C2orf72: variants seen among roughly 807,000 people sequenced by gnomAD.
C2orf72 encodes uncharacterized protein C2orf72.
Under a neutral mutation model 14.4 loss-of-function variants are expected in C2orf72, and 16 were observed. The ratio of observed to expected loss-of-function variants is 1.11; its 90% CI spans 0.75 to 1.69. The LOEUF (loss-of-function observed/expected upper bound fraction) is 1.69. C2orf72 is among the 40% of genes most tolerant of loss of function. The probability of loss-of-function intolerance (pLI) is 0.00; values close to 1 mark genes in which losing one functional copy is unlikely to be tolerated. For missense variants in C2orf72, 371 were observed against 358.3 expected, an observed-to-expected ratio of 1.04 and a Z score of -0.29; for synonymous variants, 168 against 176.8, an observed-to-expected ratio of 0.95 and a Z score of 0.40.
At chr2:231,042,929 C>T (rs1235291928) in intron 2 of C2orf72, among the ~76,000 whole-genome samples, 2 of 152,184 alleles carry the variant, frequency 1.3e-5, no homozygotes, top group Non-Finnish European at 2.9e-5. Flanking sequence ...GCTTGGACCC[C>T]GGAGGTGGAG....
chr2:231,037,824 A>AGGGCGGCTG lies in C2orf72; in HGVS notation c.267_275dup (p.Gly93_Ala95dup), dbSNP rs989906671. On this transcript the variant is annotated inframe_insertion, in exon 1 of 3. Transcript: ENST00000373640. ...GGCGCGCGGGGCGCAGAGGGCGGCGAGGGCGGCTGGGGCGGCGGGGGCGGC... is the reference window on the plus strand; with the variant it reads ...GGCGCGCGGGGCGCAGAGGGCGGCGAGGGCGGCTGGGGCGGCTGGGGCGGCGGGGGCGGC... The AGGGCGGCTG allele has an allele frequency of 3.1e-6, 3 of 976,552 alleles. No individual in the cohort carries two copies. Among genetic ancestry groups the AGGGCGGCTG allele is most frequent in the South Asian group, 9.1e-5 (2 of 21,918 alleles). 60.5% of individuals were successfully genotyped at this position (976,552 alleles called of 1,614,324 possible).
chr2:231,039,293 T>C (rs1308927566), intron 1 of C2orf72, among the ~76,000 whole-genome samples: 3 of 146,864 alleles, frequency 2.0e-5, no homozygotes, highest in Non-Finnish European at 4.5e-5. Context: ...CCGCACGTTG[T>C]GCACATGTAC....
chr2:231,044,860 C>A (rs1693390179), intron 2 of C2orf72, among the ~76,000 whole-genome samples: 1 of 148,590 alleles, frequency 6.7e-6, no homozygotes, highest in South Asian at 2.1e-4. Context: ...CTTCTGGATA[C>A]CTCTTGAAGG....
chr2:231,045,510 C>CTTTTT (rs1007020692), intron 2 of C2orf72, among the ~76,000 whole-genome samples: 20 of 87,420 alleles, frequency 2.3e-4, no homozygotes, highest in African/African-American at 3.4e-4. Context: ...GTGTTTCAAT[C>CTTTTT]TTTTTTTTTT....
chr2:231,039,017 A>G (rs1401824663), intron 1 of C2orf72, among the ~76,000 whole-genome samples: 1 of 152,094 alleles, frequency 6.6e-6, no homozygotes, highest in Non-Finnish European at 1.5e-5. Flanking sequence ...GAACTCTCCA[A>G]TGTTCTAGGA....
At chr2:231,039,180 G>C (rs915182928) in intron 1 of C2orf72, among the ~76,000 whole-genome samples, 2 of 152,050 alleles carry the variant, frequency 1.3e-5, no homozygotes, top group Admixed American at 1.3e-4. Context: ...TTGTGGCGTA[G>C]GGGGAGGGAG....
chr2:231,038,140 G>T lies in C2orf72; in HGVS notation c.575G>T (p.Cys192Phe). The change falls in exon 1 of 3, where the codon TGC (cysteine) becomes TTC (phenylalanine). Residue 192 changes from cysteine to phenylalanine, a missense_variant. Physicochemically the swap from Cys to Phe is radical, Grantham distance 205 (BLOSUM62 -2). Coordinates refer to ENST00000373640, the MANE Select transcript of C2orf72 (RefSeq NM_001144994.2). ...AAYCPGLPAS[C>F]LAVQAAACRA... is the part of the protein sequence containing the mutation. ...TACTGCCCCGGCCTCCCGGCCTCCT[G>T]CCTGGCCGTCCAGGCGGCCGCCTGC... 3.4e-6 allele frequency: 4 copies of T among 1,184,144 alleles called. No homozygotes were observed. The South Asian group carries it at 1.3e-4, about 37-fold the overall frequency. The allele number at this position is 1,184,144 out of a possible 1,614,324, so 73.4% of individuals were successfully genotyped here.
chr2:231,049,590 T>G lies in C2orf72; in HGVS notation c.*2569T>G, dbSNP rs1269485420. On this transcript the variant is annotated 3_prime_UTR_variant, in exon 3 of 3. Transcript: ENST00000373640. The stretch of plus-strand genomic sequence containing the variant: ...CATCGGCGAGAGGCCTCCAGCCGGG[T>G]GACAGTCTGGGCTCTCGGGTACTAA... 1 of 152,270 alleles carries G rather than the reference T, an allele frequency of 6.6e-6. No homozygotes were observed. The highest frequency in any genetic ancestry group is 1.5e-5 in the Non-Finnish European group (1 of 68,066). The allele number at this position is 152,270 out of a possible 1,614,324, so 9.4% of individuals were successfully genotyped here. A position where few individuals can be genotyped will look rare whatever the true frequency, so the allele number is the denominator to read the frequency against.
intron 2 of C2orf72, among the ~76,000 whole-genome samples, chr2:231,043,554 C>T (rs552510001): frequency 1.6e-4 from 25 of 152,338 alleles, no homozygotes; most frequent in African/African-American, 4.6e-4. Flanking sequence ...ATATCATCTT[C>T]AAAATGCAGT....
intron 2 of C2orf72, among the ~76,000 whole-genome samples, chr2:231,045,659 C>T (rs2125138723): frequency 6.6e-6 from 1 of 152,088 alleles, no homozygotes; most frequent in Middle Eastern, 3.4e-3. Context: ...GCTGGGACTA[C>T]AGGCTCCCGC....
intron 2 of C2orf72, 79 bp from the exon 3 acceptor site, chr2:231,046,803 A>C: frequency 3.5e-6 from 5 of 1,426,956 alleles, no homozygotes; most frequent in Non-Finnish European, 4.7e-6. Flanking sequence ...GCTGGGGACA[A>C]CTTTCTCCTT....
rs1481331001 is a variant in C2orf72 at position 231,047,384 on chromosome 2, C to G, written c.*363C>G. On this transcript the variant is annotated 3_prime_UTR_variant, in exon 3 of 3. Transcript: ENST00000373640. ...TCTGGGCACATGCATGGGCACCCATCGTTGAGAGTGCAGCTGGGAAGAACT... is the reference window on the plus strand; with the variant it reads ...TCTGGGCACATGCATGGGCACCCATGGTTGAGAGTGCAGCTGGGAAGAACT... The G allele has an allele frequency of 2.7e-6, 1 of 368,812 alleles. No homozygotes were observed. Among genetic ancestry groups the G allele is most frequent in the African/African-American group, 2.1e-5 (1 of 47,294 alleles). The allele number at this position is 368,812 out of a possible 1,614,324, so 22.8% of individuals were successfully genotyped here.
Position 231,038,143 on chromosome 2 carries a change from TGGCCGTCCAGGC to T in C2orf72, c.584_595del (p.Val195_Ala198del). 1 of 1,148,870 alleles carries T rather than the reference TGGCCGTCCAGGC, an allele frequency of 8.7e-7. No homozygotes were observed. Among genetic ancestry groups the T allele is most frequent in the Non-Finnish European group, 1.1e-6 (1 of 935,882 alleles). The allele number at this position is 1,148,870 out of a possible 1,614,324, so 71.2% of individuals were successfully genotyped here. On this transcript the variant is annotated inframe_deletion, in exon 1 of 3. Coordinates refer to ENST00000373640, the MANE Select transcript of C2orf72 (RefSeq NM_001144994.2). ...TGCCCCGGCCTCCCGGCCTCCTGCC[TGGCCGTCCAGGC>T]GGCCGCCTGCAGGGCCCTGCAAGCC...
At chr2:231,041,595 C>G (rs1693340854) in intron 2 of C2orf72, among the ~76,000 whole-genome samples, 186 bp downstream of exon 2, 1 of 152,002 alleles carries the variant, frequency 6.6e-6, no homozygotes, top group African/African-American at 2.4e-5. Context: ...TGGGCTCGGT[C>G]AGGCTGGGCT....
intron 2 of C2orf72, among the ~76,000 whole-genome samples, chr2:231,044,685 TTTTGCTAAAAACTAAGACACAAACATG>T (rs1238054688): frequency 6.7e-6 from 1 of 148,222 alleles, no homozygotes; most frequent in Admixed American, 6.7e-5. Flanking sequence ...TTTTTTTTTT[TTTTGCTAAAAACTAAGACACAAACATG>T]CGCCTTAGCC....
intron 2 of C2orf72, among the ~76,000 whole-genome samples, chr2:231,042,345 C>T (rs1229214223): frequency 6.6e-6 from 1 of 152,196 alleles, no homozygotes; most frequent in Non-Finnish European, 1.5e-5. Context: ...CCTACGTATA[C>T]ACTGTGTTTT....
chr2:231,037,746 C>G lies in C2orf72; in HGVS notation c.181C>G (p.Pro61Ala), dbSNP rs931402870. 5.0e-6 allele frequency: 5 copies of G among 1,001,836 alleles called. No homozygotes were observed. The highest frequency in any genetic ancestry group is 5.0e-4 in the Middle Eastern group (1 of 2,016). The allele number at this position is 1,001,836 out of a possible 1,614,324, so 62.1% of individuals were successfully genotyped here. Residue 61 changes from proline (P) to alanine (A), a missense_variant, in exon 1 of 3, where the codon CCA (proline) becomes GCA (alanine). Coordinates refer to ENST00000373640, the MANE Select transcript of C2orf72 (RefSeq NM_001144994.2). ...CGCACGGGCGGTGTTCCCGCCGGAG[C>G]CAGGCGCGGCCAAGCCGGGCGGCGC... Reference protein sequence around the residue: ...DFARAVFPPEPGAAKPGGAAA... With the variant: ...DFARAVFPPEAGAAKPGGAAA...
chr2:231,046,366 T>C (rs1031255049), intron 2 of C2orf72, among the ~76,000 whole-genome samples: 1 of 151,712 alleles, frequency 6.6e-6, no homozygotes, highest in Non-Finnish European at 1.5e-5. Flanking sequence ...TTATATATTG[T>C]CTTTAATACC....
intron 2 of C2orf72, among the ~76,000 whole-genome samples, chr2:231,042,769 C>A (rs990960520): frequency 6.6e-6 from 1 of 152,238 alleles, no homozygotes; most frequent in Non-Finnish European, 1.5e-5. Context: ...CTTTGGGAGG[C>A]CAAGGTGGGC....
Sources: allele counts gnomAD v4.1 joint callset (sites outside exome capture counted in the v4.1 genomes callset), GRCh38; gene constraint gnomAD v4.1.1; transcripts MANE v1.5; gene names NCBI Gene and HGNC (gene_info 2026-07-23, HGNC 2026-07-21).